KPTN: variants seen among roughly 807,000 people sequenced by gnomAD.
KPTN encodes the protein kaptin, actin binding protein, also known as KICSTOR complex protein kaptin.
Under a neutral mutation model 52.6 loss-of-function variants are expected in KPTN, and 36 were observed. The observed-to-expected ratio is 0.68, with a 90% CI of 0.52 to 0.90. KPTN has a LOEUF of 0.90. Among genes scored for constraint, KPTN ranks in the 40% least tolerant of loss-of-function variants. KPTN has a pLI of 0.00. For missense variants in KPTN, 529 were observed against 576.2 expected (o/e 0.92, Z 0.84); for synonymous variants, 271 against 248.4 (o/e 1.09, Z -0.85).
In KPTN at chr19:47,480,820, T is replaced by C; in HGVS notation, c.539A>G (p.His180Arg). ...TTCCACGGGCTGTTCCTCAAACTGA[T>C]GCAGCCCCTCGTTCTGGGGAAACCA... ...IHLYKENEGLHQFEEQPVENL... is the reference protein window; with the variant it reads ...IHLYKENEGLRQFEEQPVENL... The change falls in exon 6 of 12, where the codon CAT (histidine) becomes CGT (arginine). Residue 180 changes from histidine to arginine, a missense_variant. Coordinates refer to ENST00000338134, the MANE Select transcript of KPTN (RefSeq NM_007059.4). The C allele has an allele frequency of 6.2e-7, 1 of 1,614,056 alleles. No individual in the cohort carries two copies. Among genetic ancestry groups the C allele is most frequent in the Non-Finnish European group, 8.5e-7 (1 of 1,179,998 alleles).
At chr19:47,478,691 T>C (rs1234692542) in intron 8 of KPTN, among the ~76,000 whole-genome samples, 1 of 151,002 alleles carries the variant, frequency 6.6e-6, no homozygotes, top group African/African-American at 2.4e-5. Flanking sequence ...GAAAATGTGG[T>C]ATATATACAC....
chr19:47,484,257 G>C (rs1311093982), upstream of KPTN: 1 of 1,399,228 alleles, frequency 7.1e-7, no homozygotes, highest in Non-Finnish European at 9.5e-7. Context: ...GTGCCCGGCC[G>C]TTGCGCGGGC....
chr19:47,485,184 T>C (rs1282178152), upstream of KPTN, among the ~76,000 whole-genome samples: 1 of 152,208 alleles, frequency 6.6e-6, no homozygotes, highest in Non-Finnish European at 1.5e-5. Context: ...TTACCCTCCC[T>C]GCCGGTTCAC....
chr19:47,485,527 G>A (rs576409986), upstream of KPTN, among the ~76,000 whole-genome samples: 1 of 152,150 alleles, frequency 6.6e-6, no homozygotes, highest in Non-Finnish European at 1.5e-5. Flanking sequence ...TGGACACCTC[G>A]AGCACACACA....
rs1175302337 is a variant in KPTN at position 47,480,364 on chromosome 19, G to C, written c.643C>G (p.Arg215Gly). 1.9e-6 allele frequency: 3 copies of C among 1,549,344 alleles called. No homozygotes were observed. The highest frequency in any genetic ancestry group is 2.8e-5 in the African/African-American group (2 of 72,526). ...DVHNFPGTSR[R>G]LSALGCQSGY... ...CTCTGACAGCCCAGAGCTGAGAGGC[G>C]CCGGGACGTGCCGGGGAAGTTGTGG... Residue 215 changes from arginine to glycine, a missense_variant, in exon 7 of 12, where the codon CGC becomes GGC. Coordinates refer to ENST00000338134, the MANE Select transcript of KPTN (RefSeq NM_007059.4).
chr19:47,485,684 A>G (rs1968052189), upstream of KPTN, among the ~76,000 whole-genome samples: 1 of 152,234 alleles, frequency 6.6e-6, no homozygotes, highest in African/African-American at 2.4e-5. Context: ...TGTAAGAGAC[A>G]GCTCTTACAT....
Position 47,475,279 on chromosome 19 carries a change from G to A in KPTN, c.*137C>T, listed in dbSNP as rs1967622967. 1.9e-6 allele frequency: 2 copies of A among 1,041,584 alleles called. No homozygotes were observed. Among genetic ancestry groups the A allele is most frequent in the Non-Finnish European group, 2.7e-6 (2 of 739,650 alleles). The allele number at this position is 1,041,584 out of a possible 1,614,324, so 64.5% of individuals were successfully genotyped here. On this transcript the variant is annotated 3_prime_UTR_variant, in exon 12 of 12. Coordinates refer to ENST00000338134, the MANE Select transcript of KPTN (RefSeq NM_007059.4). ...TACAGAGAGAGGAGTGGGTTAGCTG[G>A]GGCCCCAGGGCACAGCTTCACCACC...
At chr19:47,484,379 T>C (rs1968008734), upstream of KPTN, 1 of 591,770 alleles carries the variant, frequency 1.7e-6, no homozygotes, top group Non-Finnish European at 3.0e-6. Context: ...TCTTCTCCTT[T>C]CCATTTCTGG....
At chr19:47,479,780 T>C in intron 8 of KPTN, 83 bp downstream of exon 8, 1 of 1,158,382 alleles carries the variant, frequency 8.6e-7, no homozygotes, top group African/African-American at 1.5e-5. Context: ...GGGGTGCAAA[T>C]CTGGGTAGAA....
chr19:47,483,175 C>T lies in KPTN; in HGVS notation c.435G>A (p.Gln145=). The part of the protein sequence containing the change: ...LNLELQFTPF[Q]LCHAEVQVGD... ...GGGACACTCACTCCGCATGGCACAG[C>T]TGGAACGGAGTGAACTGGAGCTCCA... Residue 145 remains glutamine (Q), a synonymous_variant, in exon 4 of 12, where the codon CAG becomes CAA. Transcript: ENST00000338134. 1 of 1,614,018 alleles carries T rather than the reference C, an allele frequency of 6.2e-7. No individual in the cohort carries two copies. Among genetic ancestry groups the T allele is most frequent in the Non-Finnish European group, 8.5e-7 (1 of 1,179,976 alleles).
At chr19:47,477,917 G>A (rs993232688) in intron 8 of KPTN, 136 bp from the exon 9 acceptor site, 65 of 572,282 alleles carry the variant, frequency 1.1e-4, no homozygotes, top group Non-Finnish European at 1.9e-4. Flanking sequence ...AAAATTAGCC[G>A]GGCATGGTGG....
chr19:47,483,400 CA>C (rs1288923617), intron 2 of KPTN, 21 bp from the exon 3 acceptor site: 2 of 1,609,176 alleles, frequency 1.2e-6, no homozygotes, highest in South Asian at 1.1e-5. Context: ...ACACGGGGTT[CA>C]GGGGAGGGCA....
Position 47,476,619 on chromosome 19 carries a change from G to A in KPTN, c.1095C>T (p.Pro365=), listed in dbSNP as rs1276244158. The change falls in exon 11 of 12, where the codon CCC becomes CCT. Residue 365 remains proline (P), a synonymous_variant. Transcript: ENST00000338134. ...GGTCCACGTGAGCCATGGCCAGCAG[G>A]GGACTGGAGAAGCTCCGCTGCCACA... The part of the protein sequence containing the change: ...HLLWQRSFSS[P]LLAMAHVDLT... 3 of 1,612,636 alleles carry A rather than the reference G, an allele frequency of 1.9e-6. No homozygotes were observed. The highest frequency in any genetic ancestry group is 1.1e-5 in the South Asian group (1 of 90,944).
At position 47,475,523 on chromosome 19, in the gene KPTN, C is replaced by T; in HGVS notation, c.1204G>A (p.Glu402Lys). The change falls in exon 12 of 12, where the codon GAG becomes AAG. Residue 402 changes from glutamate to lysine, a missense_variant. Coordinates refer to ENST00000338134, the MANE Select transcript of KPTN (RefSeq NM_007059.4). ...TGTCGAAGCCGGGTCAAGACCAGCT[C>T]TGAGGCCTGAATCAGGCTGTGCTGT... ...ILQHSLIQAS[E>K]LVLTRLRHQV... The T allele has an allele frequency of 6.2e-7, 1 of 1,613,140 alleles. No individual in the cohort carries two copies. Among genetic ancestry groups the T allele is most frequent in the East Asian group, 2.2e-5 (1 of 44,844 alleles).
intron 4 of KPTN, among the ~76,000 whole-genome samples, 193 bp from the exon 5 acceptor site, chr19:47,481,226 C>T (rs1196775120): frequency 2.0e-5 from 3 of 152,138 alleles, no homozygotes; most frequent in Admixed American, 6.6e-5. Context: ...ACTGTAGAAA[C>T]GAGCCCTCAT....
intron 7 of KPTN, 47 bp downstream of exon 7, chr19:47,480,251 T>G: frequency 4.3e-4 from 124 of 290,444 alleles, no homozygotes; most frequent in Non-Finnish European, 6.9e-4. Flanking sequence ...GGCCCCGCCC[T>G]CTAGCCCTCA....
chr19:47,477,675 G>C (rs1967719318), intron 9 of KPTN, 31 bp downstream of exon 9: 1 of 1,558,430 alleles, frequency 6.4e-7, no homozygotes, highest in African/African-American at 1.4e-5. Flanking sequence ...AAGAAGGTTA[G>C]ACCACACCCA....
intron 9 of KPTN, among the ~76,000 whole-genome samples, chr19:47,477,263 G>C (rs1407179360): frequency 6.6e-6 from 1 of 152,186 alleles, no homozygotes; most frequent in Admixed American, 6.5e-5. Flanking sequence ...GCTTGGCCCT[G>C]GCCTGGACAC....
intron 7 of KPTN, 56 bp downstream of exon 7, chr19:47,480,242 G>C: frequency 3.1e-6 from 3 of 955,106 alleles, no homozygotes; most frequent in Admixed American, 2.3e-5. Flanking sequence ...CCCCACCCTG[G>C]CCCCGCCCTC....
Sources: gnomAD v4.1 joint callset for allele counts (sites outside exome capture counted in the v4.1 genomes callset) on GRCh38, gnomAD v4.1.1 for gene constraint, MANE v1.5 for transcripts, NCBI Gene and HGNC (gene_info 2026-07-23, HGNC 2026-07-21) for gene names.